Variants in ZBTB8OS observed in about 807,000 individuals in gnomAD.
The protein encoded by ZBTB8OS is tRNA-splicing ligase-activating factor archease.
Under a neutral mutation model 29.3 loss-of-function variants are expected in ZBTB8OS, and 16 were observed. The observed-to-expected ratio is 0.55, with a 90% CI of 0.37 to 0.83. ZBTB8OS has a LOEUF of 0.83. ZBTB8OS is among the 40% of genes least tolerant of loss of function. ZBTB8OS has a pLI of 0.00. For synonymous variants in ZBTB8OS, 70 were observed against 64.6 expected (o/e 1.08, Z -0.40); for missense variants, 160 against 196.9 (o/e 0.81, Z 1.12).
chr1:32,632,104 C>T, intron 4 of ZBTB8OS: 1 of 244,718 alleles, frequency 4.1e-6, no homozygotes, highest in Admixed American at 6.2e-5. Context: ...CAGGTTCAAG[C>T]AATTCTCCTG....
chr1:32,629,342 A>G (rs12045895), intron 5 of ZBTB8OS, among the ~76,000 whole-genome samples: 5,845 of 151,884 alleles, frequency 0.038, 227 homozygotes, highest in East Asian at 0.11. Flanking sequence ...CTTGAGCCCA[A>G]AAGGTCATGG....
intron 4 of ZBTB8OS, 114 bp from the exon 5 acceptor site, chr1:32,631,993 T>G (rs1250035253): frequency 3.8e-4 from 32 of 84,548 alleles, no homozygotes; most frequent in Non-Finnish European, 8.9e-5. Context: ...TGGTAAAACC[T>G]TTTTTTTTTT....
chr1:32,632,940 C>G (rs1358170410), intron 4 of ZBTB8OS, among the ~76,000 whole-genome samples: 1 of 152,086 alleles, frequency 6.6e-6, no homozygotes, highest in Admixed American at 6.6e-5. Flanking sequence ...ATGAGTGACT[C>G]AGTTGATAGA....
intron 1 of ZBTB8OS, 96 bp from the exon 2 acceptor site, chr1:32,634,888 A>C: frequency 6.8e-6 from 6 of 886,910 alleles, no homozygotes; most frequent in Non-Finnish European, 1.2e-5. Context: ...TAGGAATATC[A>C]TCTTTAAAGA....
chr1:32,642,692 T>G (rs1162732442), intron 1 of ZBTB8OS, among the ~76,000 whole-genome samples: 2 of 145,816 alleles, frequency 1.4e-5, no homozygotes, highest in Non-Finnish European at 3.0e-5. Context: ...GCAGCCACTA[T>G]AGGACTTCAA....
rs1644769570 is a variant in ZBTB8OS at position 32,621,802 on chromosome 1, C to A, written c.*60G>T. On this transcript the variant is annotated 3_prime_UTR_variant, in exon 7 of 7. Coordinates refer to ENST00000468695, the MANE Select transcript of ZBTB8OS (RefSeq NM_178547.5). Reference sequence around the variant, plus strand: ...TGTAGAATTTAATTCATAGTGTCTTCTCAAAAGGAAGAGGAAAACAAAAAC... The same window carrying A: ...TGTAGAATTTAATTCATAGTGTCTTATCAAAAGGAAGAGGAAAACAAAAAC... The A allele has an allele frequency of 1.7e-6, 2 of 1,181,126 alleles. No individual in the cohort carries two copies. The highest frequency in any genetic ancestry group is 1.6e-5 in the African/African-American group (1 of 63,948). The allele number at this position is 1,181,126 out of a possible 1,614,324, so 73.2% of individuals were successfully genotyped here.
intron 1 of ZBTB8OS, among the ~76,000 whole-genome samples, chr1:32,641,563 C>T (rs12034963): frequency 1 from 146,044 of 146,046 alleles, 73,021 homozygotes; most frequent in Middle Eastern, 1. Flanking sequence ...TGAGCCACCG[C>T]GCCCGGCCAA....
intron 5 of ZBTB8OS, among the ~76,000 whole-genome samples, chr1:32,631,329 T>G (rs1645538603): frequency 7.1e-6 from 1 of 141,312 alleles, no homozygotes; most frequent in African/African-American, 2.7e-5. Context: ...TACTCCAGCC[T>G]GGGAGACAGA....
intron 1 of ZBTB8OS, among the ~76,000 whole-genome samples, chr1:32,644,224 G>C (rs1646659233): frequency 1.3e-5 from 2 of 152,100 alleles, no homozygotes; most frequent in African/African-American, 4.8e-5. Context: ...CGAATTCCTG[G>C]GAACTGCGGA....
Position 32,650,534 on chromosome 1 carries a change from G to C in ZBTB8OS, c.-5C>G. The stretch of plus-strand genomic sequence containing the variant: ...ATCTTCCTCTTCCTGCGCCATGACT[G>C]CAGGATTAGACACTCTACTTCCGCC... On this transcript the variant is annotated 5_prime_UTR_variant, in exon 1 of 7. Transcript: ENST00000468695. The C allele has an allele frequency of 6.2e-7, 1 of 1,614,102 alleles. No homozygotes were observed. Among genetic ancestry groups the C allele is most frequent in the Non-Finnish European group, 8.5e-7 (1 of 1,180,008 alleles).
chr1:32,622,017 C>T (rs941039532), intron 6 of ZBTB8OS, 69 bp from the exon 7 acceptor site: 1 of 1,114,356 alleles, frequency 9.0e-7, no homozygotes, highest in Non-Finnish European at 1.3e-6. Flanking sequence ...ATCATTAACT[C>T]TAGCAACAAT....
chr1:32,634,576 G>A, intron 2 of ZBTB8OS, 192 bp downstream of exon 2: 1 of 637,914 alleles, frequency 1.6e-6, no homozygotes, highest in South Asian at 2.0e-5. Context: ...CACCCAGGCT[G>A]GGGTGCAGTG....
intron 1 of ZBTB8OS, among the ~76,000 whole-genome samples, chr1:32,637,438 C>A (rs944129171): frequency 2.6e-5 from 4 of 151,826 alleles, no homozygotes; most frequent in African/African-American, 9.7e-5. Context: ...CGTGGTGGCA[C>A]CCGCCTGTAG....
At chr1:32,638,584 G>A (rs1188523820) in intron 1 of ZBTB8OS, among the ~76,000 whole-genome samples, 1 of 152,068 alleles carries the variant, frequency 6.6e-6, no homozygotes, top group Non-Finnish European at 1.5e-5. Flanking sequence ...CAAATTTTAA[G>A]TGAAAAGATT....
intron 1 of ZBTB8OS, among the ~76,000 whole-genome samples, chr1:32,641,773 T>C (rs1477728356): frequency 2.7e-5 from 4 of 149,402 alleles, no homozygotes; most frequent in Non-Finnish European, 5.9e-5. Context: ...AAAAAAAAAT[T>C]AGCCGGGCAT....
Position 32,648,963 on chromosome 1 carries a change from C to CTT in ZBTB8OS, c.97+1468_97+1469dup, listed in dbSNP as rs34143853. Among the ~76,000 whole-genome samples the CTT allele has an allele frequency of 7.4e-3, 434 of 58,734 alleles. 10 individuals carry two copies. The highest frequency in any genetic ancestry group is 0.023 in the African/African-American group (350 of 15,468). The allele number at this position is 58,734 out of a possible 152,430, so 38.5% of individuals were successfully genotyped here. ...ACAGGCGTGAGCCACAGCACCAGGC[C>CTT]TTTTTTTTTTTTTTTTTTTTTTTGA... On this transcript the variant is annotated intron_variant, in intron 1 of 6. Transcript: ENST00000468695.
At chr1:32,623,127 G>A (rs1381784576) in intron 6 of ZBTB8OS, among the ~76,000 whole-genome samples, 1 of 152,118 alleles carries the variant, frequency 6.6e-6, no homozygotes, top group Non-Finnish European at 1.5e-5. Context: ...CAGGCAATAG[G>A]TAAATGGCAT....
intron 1 of ZBTB8OS, among the ~76,000 whole-genome samples, chr1:32,647,978 T>C (rs1459438089): frequency 6.6e-6 from 1 of 151,946 alleles, no homozygotes; most frequent in Non-Finnish European, 1.5e-5. Flanking sequence ...GACCGCTGGT[T>C]AATGAACTGC....
At chr1:32,624,017 G>C (rs1344066532) in intron 6 of ZBTB8OS, among the ~76,000 whole-genome samples, 2 of 152,054 alleles carry the variant, frequency 1.3e-5, no homozygotes, top group African/African-American at 4.8e-5. Context: ...TTTCTAAGGG[G>C]CTTCCCCCTT....
Sources: gnomAD v4.1 joint callset for allele counts (sites outside exome capture counted in the v4.1 genomes callset) on GRCh38, gnomAD v4.1.1 for gene constraint, MANE v1.5 for transcripts, NCBI Gene and HGNC (gene_info 2026-07-23, HGNC 2026-07-21) for gene names.